ROCK1: variants seen among roughly 807,000 people sequenced by gnomAD.
ROCK1 encodes rho-associated protein kinase 1.
In ROCK1, 36 loss-of-function variants were observed where a neutral mutation model predicts 196.8. The observed-to-expected ratio is 0.18, with a 90% CI of 0.14 to 0.24. The LOEUF is 0.24. Ranked by LOEUF, ROCK1 falls within the 10% of genes least tolerant of loss-of-function variation. ROCK1 has a pLI of 1.00. For missense variants in ROCK1, 920 were observed against 1,562.0 expected (o/e 0.59, Z 6.93); for synonymous variants, 443 against 515.9 (o/e 0.86, Z 1.91).
chr18:20,984,481 G>C lies in ROCK1; in HGVS notation c.2359C>G (p.Gln787Glu), dbSNP rs1445209379. ...EQESNKRLLL[Q>E]NELKTQAFEA... ...AATGCTTGAGTCTTCAATTCATTTT[G>C]TAACAACAGCCGCTTATTTGATTCC... Residue 787 changes from glutamine (Q) to glutamate (E), a missense_variant, in exon 20 of 33, where the codon CAA becomes GAA. This residue lies in a region of ROCK1 where 520 missense variants were observed against 657.1 expected (regional missense o/e 0.79). Transcript: ENST00000399799. 2 of 1,613,164 alleles carry C rather than the reference G, an allele frequency of 1.2e-6. No individual in the cohort carries two copies. Among genetic ancestry groups the C allele is most frequent in the African/African-American group, 2.7e-5 (2 of 74,946 alleles).
At chr18:20,980,093 T>A in intron 21 of ROCK1, 89 bp from the exon 22 acceptor site, 1 of 1,363,232 alleles carries the variant, frequency 7.3e-7, no homozygotes, top group Non-Finnish European at 9.6e-7. Context: ...AATTAACATA[T>A]GATCCAACAA....
chr18:21,101,872 C>T (rs909528194), intron 1 of ROCK1, among the ~76,000 whole-genome samples: 8 of 146,422 alleles, frequency 5.5e-5, no homozygotes, highest in Admixed American at 4.7e-4. Flanking sequence ...AAGAAAATGT[C>T]CTTTTTTTTT....
At chr18:21,033,854 TAAAAAAAAA>T (rs71269004) in intron 9 of ROCK1, among the ~76,000 whole-genome samples, 69 of 33,462 alleles carry the variant, frequency 2.1e-3, no homozygotes, top group African/African-American at 3.9e-3. Flanking sequence ...CCGTTTCTAC[TAAAAAAAAA>T]AAAAAAAAAA....
intron 29 of ROCK1, among the ~76,000 whole-genome samples, chr18:20,957,342 G>A (rs149155449): frequency 3.0e-4 from 46 of 152,348 alleles, no homozygotes; most frequent in African/African-American, 1.1e-3. Flanking sequence ...CACCACCACA[G>A]GTGCAGGCTG....
chr18:20,980,506 C>G (rs186640430), intron 21 of ROCK1, among the ~76,000 whole-genome samples: 1 of 152,022 alleles, frequency 6.6e-6, no homozygotes, highest in Non-Finnish European at 1.5e-5. Flanking sequence ...CATAAGGGAA[C>G]TTTTTGCAGT....
At chr18:21,002,868 G>A (rs1296474572) in intron 16 of ROCK1, among the ~76,000 whole-genome samples, 1 of 152,022 alleles carries the variant, frequency 6.6e-6, no homozygotes, top group Non-Finnish European at 1.5e-5. Flanking sequence ...AGCCTCCTAA[G>A]TAGCTAGGAC....
At chr18:21,066,497 C>G (rs528631424) in intron 2 of ROCK1, among the ~76,000 whole-genome samples, 1 of 152,098 alleles carries the variant, frequency 6.6e-6, no homozygotes, top group East Asian at 1.9e-4. Context: ...GTAAATGATG[C>G]TTTTTGTATA....
chr18:20,968,468 G>A (rs1405931936), intron 25 of ROCK1: 10 of 241,236 alleles, frequency 4.1e-5, no homozygotes, highest in East Asian at 9.9e-5. Context: ...CACCACGCCC[G>A]GCTAATTTTT....
intron 7 of ROCK1, 85 bp downstream of exon 7, chr18:21,042,480 T>C (rs913673041): frequency 7.5e-7 from 1 of 1,337,466 alleles, no homozygotes. Flanking sequence ...GATTGCTTAA[T>C]ATAATAAATA....
At chr18:20,959,105 ATATATATATTATATAATATATATAT>A (rs1157768279) in intron 29 of ROCK1, among the ~76,000 whole-genome samples, 14 of 33,924 alleles carry the variant, frequency 4.1e-4, no homozygotes, top group Non-Finnish European at 5.1e-4. Context: ...TATATATATT[ATATATATATTATATAATATATATAT>A]TATATATATT....
At chr18:21,030,760 T>C (rs1442439247) in intron 9 of ROCK1, among the ~76,000 whole-genome samples, 1 of 152,184 alleles carries the variant, frequency 6.6e-6, no homozygotes, top group Non-Finnish European at 1.5e-5. Flanking sequence ...GTTTAAAAAT[T>C]TGTTTTCATT....
chr18:20,970,854 C>A (rs893088497), intron 22 of ROCK1, among the ~76,000 whole-genome samples: 1 of 152,298 alleles, frequency 6.6e-6, no homozygotes. Flanking sequence ...ACTTGTTAAT[C>A]AGCAGGCTAG....
chr18:21,069,498 A>C (rs1282056439), intron 2 of ROCK1, among the ~76,000 whole-genome samples: 1 of 152,102 alleles, frequency 6.6e-6, no homozygotes, highest in African/African-American at 2.4e-5. Context: ...AAAATATACA[A>C]GCATACTTAA....
intron 12 of ROCK1, among the ~76,000 whole-genome samples, chr18:21,018,815 T>G (rs1347623844): frequency 6.6e-6 from 1 of 152,228 alleles, no homozygotes; most frequent in African/African-American, 2.4e-5. Context: ...CAATTTTATT[T>G]GTTGAATACT....
At chr18:20,988,702 G>A (rs931767484) in intron 18 of ROCK1, among the ~76,000 whole-genome samples, 2 of 152,126 alleles carry the variant, frequency 1.3e-5, no homozygotes, top group Admixed American at 6.5e-5. Flanking sequence ...TACTAGCTCA[G>A]AAAGCCTTCC....
chr18:21,103,116 G>C (rs967906998), intron 1 of ROCK1, among the ~76,000 whole-genome samples: 1 of 152,100 alleles, frequency 6.6e-6, no homozygotes. Flanking sequence ...ATCCCAAACA[G>C]AGAGGGCAAG....
Position 21,023,689 on chromosome 18 carries a change from A to G in ROCK1, c.1212-9T>C. 6.5e-7 allele frequency: 1 copy of G among 1,532,748 alleles called. No homozygotes were observed. Among genetic ancestry groups the G allele is most frequent in the Non-Finnish European group, 8.9e-7 (1 of 1,129,180 alleles). The allele number at this position is 1,532,748 out of a possible 1,614,324, so 94.9% of individuals were successfully genotyped here. On this transcript the variant is annotated splice_polypyrimidine_tract_variant and intron_variant, in intron 10 of 32. Coordinates refer to ENST00000399799, the MANE Select transcript of ROCK1 (RefSeq NM_005406.3). ...TTGCTGAAGATAAGTATCTGAGGGAAAGAAAAGTTTAAAAAGAAAAGAAAA... is the reference window on the plus strand; with the variant it reads ...TTGCTGAAGATAAGTATCTGAGGGAGAGAAAAGTTTAAAAAGAAAAGAAAA...
chr18:20,990,420 T>C (rs1214640292), intron 18 of ROCK1, among the ~76,000 whole-genome samples: 2 of 148,352 alleles, frequency 1.3e-5, no homozygotes, highest in African/African-American at 2.5e-5. Flanking sequence ...TCTTAAAAAA[T>C]GGAAAGCATT....
At chr18:21,003,154 C>T (rs1348898896) in intron 16 of ROCK1, among the ~76,000 whole-genome samples, 1 of 152,098 alleles carries the variant, frequency 6.6e-6, no homozygotes, top group Non-Finnish European at 1.5e-5. Context: ...TAAAGTACTA[C>T]GGCGGACAGA....
Sources: allele counts gnomAD v4.1 joint callset (sites outside exome capture counted in the v4.1 genomes callset), GRCh38; gene constraint gnomAD v4.1.1; regional missense constraint gnomAD v4.1.1; transcripts MANE v1.5; gene names NCBI Gene and HGNC (gene_info 2026-07-23, HGNC 2026-07-21).